Variants in PGM5 observed in about 807,000 individuals in gnomAD.
PGM5 encodes the protein phosphoglucomutase 5.
PGM5 carries 23 observed loss-of-function variants against 59.2 expected under a neutral mutation model. The ratio of observed to expected loss-of-function variants is 0.39; its 90% CI spans 0.28 to 0.55. The LOEUF (loss-of-function observed/expected upper bound fraction) is 0.55, where lower values mean the gene tolerates loss of function less well. Ranked by LOEUF, PGM5 falls within the 20% of genes least tolerant of loss-of-function variation. The pLI, the probability that PGM5 is intolerant of heterozygous loss-of-function variation, is 0.66. For missense variants in PGM5, 574 were observed against 748.3 expected (o/e 0.77, Z 2.72); for synonymous variants, 214 against 286.0 (o/e 0.75, Z 2.54).
At chr9:68,502,677 A>ATTTG (rs3064031) in intron 10 of PGM5, among the ~76,000 whole-genome samples, 2,392 of 151,722 alleles carry the variant, frequency 0.016, 38 homozygotes, top group African/African-American at 0.043. Context: ...GAATTTAAGT[A>ATTTG]TTTGTTTGTT....
intron 6 of PGM5, among the ~76,000 whole-genome samples, chr9:68,412,759 G>A (rs1299661454): frequency 3.3e-5 from 5 of 152,112 alleles, no homozygotes; most frequent in Admixed American, 3.3e-4. Flanking sequence ...TCTTTTATAG[G>A]GCCATGTGCT....
At chr9:68,393,085 T>C (rs1822407961) in intron 6 of PGM5, among the ~76,000 whole-genome samples, 1 of 151,992 alleles carries the variant, frequency 6.6e-6, no homozygotes, top group Non-Finnish European at 1.5e-5. Context: ...CTTCTTGCTC[T>C]ATCCATCCCT....
chr9:68,381,587 T>A (rs1445499159), intron 2 of PGM5, among the ~76,000 whole-genome samples: 2 of 151,710 alleles, frequency 1.3e-5, no homozygotes, highest in African/African-American at 4.8e-5. Context: ...AAATAATCTC[T>A]ATTTACAGAT....
intron 6 of PGM5, among the ~76,000 whole-genome samples, chr9:68,454,045 T>A (rs1461743166): frequency 1.3e-5 from 2 of 152,220 alleles, no homozygotes; most frequent in African/African-American, 4.8e-5. Context: ...TAGACTGACC[T>A]ATAGGGACTA....
intron 6 of PGM5, among the ~76,000 whole-genome samples, chr9:68,394,698 G>A (rs1822453896): frequency 1.3e-5 from 2 of 151,548 alleles, no homozygotes; most frequent in South Asian, 4.2e-4. Context: ...ATAGTTCACT[G>A]TAACCTTCAA....
At chr9:68,480,767 T>C (rs1426614013) in intron 8 of PGM5, among the ~76,000 whole-genome samples, 2 of 151,740 alleles carry the variant, frequency 1.3e-5, no homozygotes, top group African/African-American at 4.8e-5. Context: ...GAAACCATTA[T>C]TTTGGAAGGA....
intron 7 of PGM5, chr9:68,466,225 T>G: frequency 7.9e-7 from 1 of 1,261,300 alleles, no homozygotes; most frequent in Non-Finnish European, 1.0e-6. Flanking sequence ...GTGTCCAATC[T>G]GCTGATGAGC....
chr9:68,459,868 TA>T (rs530764282), intron 6 of PGM5, among the ~76,000 whole-genome samples: 1 of 152,068 alleles, frequency 6.6e-6, no homozygotes, highest in Non-Finnish European at 1.5e-5. Flanking sequence ...TATCTGCCTT[TA>T]AAAAAAACTA....
chr9:68,492,087 CTG>C lies in PGM5; in HGVS notation c.1480-7136_1480-7135del, dbSNP rs537396855. On this transcript the variant is annotated intron_variant, in intron 9 of 10. Coordinates refer to ENST00000396396, the MANE Select transcript of PGM5 (RefSeq NM_021965.4). ...ACTTTCTATTGGAATACTAATGTCT[CTG>C]TGTTGTCGGGTGGATGAGCTTCACC... is the stretch of plus-strand genomic sequence containing the variant. Among the ~76,000 whole-genome samples the C allele has an allele frequency of 7.8e-4, 118 of 152,254 alleles. 1 individual carries two copies. The highest frequency in any genetic ancestry group is 2.7e-3 in the African/African-American group (111 of 41,544).
intron 10 of PGM5, among the ~76,000 whole-genome samples, chr9:68,525,928 C>T (rs981809398): frequency 2.0e-5 from 3 of 152,008 alleles, no homozygotes; most frequent in Non-Finnish European, 4.4e-5. Context: ...TGGTGGCAGG[C>T]ACCTGTAGTC....
At chr9:68,435,586 A>G (rs1255693602) in intron 6 of PGM5, among the ~76,000 whole-genome samples, 1 of 152,152 alleles carries the variant, frequency 6.6e-6, no homozygotes, top group Non-Finnish European at 1.5e-5. Flanking sequence ...GTGTTGTAGC[A>G]TGTATCAGAA....
chr9:68,399,037 C>T (rs1283211427), intron 6 of PGM5: 1 of 152,120 alleles, frequency 6.6e-6, no homozygotes, highest in Non-Finnish European at 1.5e-5. Context: ...TATATTTTTA[C>T]TTAATGTGAC....
At chr9:68,486,957 A>T (rs1824306028) in intron 9 of PGM5, among the ~76,000 whole-genome samples, 1 of 152,216 alleles carries the variant, frequency 6.6e-6, no homozygotes, top group African/African-American at 2.4e-5. Context: ...TTTGTGATTT[A>T]AAAATACTGT....
chr9:68,441,753 C>A (rs373254354), intron 6 of PGM5, among the ~76,000 whole-genome samples: 1 of 151,404 alleles, frequency 6.6e-6, no homozygotes, highest in South Asian at 2.1e-4. Context: ...CCAGCCAATG[C>A]AATAAGGCAA....
intron 6 of PGM5, chr9:68,395,859 G>A (rs1822485978): frequency 6.6e-6 from 1 of 151,922 alleles, no homozygotes; most frequent in Non-Finnish European, 1.5e-5. Flanking sequence ...TTAAGTCCAC[G>A]ATGGTGAACT....
intron 10 of PGM5, among the ~76,000 whole-genome samples, chr9:68,514,871 G>A (rs1824802540): frequency 6.6e-6 from 1 of 152,158 alleles, no homozygotes; most frequent in South Asian, 2.1e-4. Flanking sequence ...TTGAAGACTT[G>A]TTCCTGCTTC....
chr9:68,397,791 G>A (rs1822549890), intron 6 of PGM5: 1 of 152,182 alleles, frequency 6.6e-6, no homozygotes. Flanking sequence ...GACTCTTGGA[G>A]GAGATTAGGC....
At chr9:68,449,619 G>A (rs1367255094) in intron 6 of PGM5, among the ~76,000 whole-genome samples, 1 of 152,102 alleles carries the variant, frequency 6.6e-6, no homozygotes, top group Non-Finnish European at 1.5e-5. Context: ...ATCATGTGTC[G>A]CAACTGCCCC....
At position 68,524,790 on chromosome 9, in the gene PGM5, C is replaced by T. The variant is rs79833556; in HGVS notation, c.1615-4777C>T. 7.7e-3 allele frequency among the ~76,000 whole-genome samples: 1,169 copies of T among 152,280 alleles called. 13 individuals are homozygous for T. Among genetic ancestry groups the T allele is most frequent in the African/African-American group, 0.027 (1,115 of 41,550 alleles). ...CTCTTTATCCTTGTCACTCTCAGAT[C>T]TTATATGCAGAACTGTATGATGGAA... is the stretch of plus-strand genomic sequence containing the variant. On this transcript the variant is annotated intron_variant, in intron 10 of 10. Coordinates refer to ENST00000396396, the MANE Select transcript of PGM5 (RefSeq NM_021965.4).
Sources: allele counts gnomAD v4.1 joint callset (sites outside exome capture counted in the v4.1 genomes callset), GRCh38; gene constraint gnomAD v4.1.1; transcripts MANE v1.5; gene names NCBI Gene and HGNC (gene_info 2026-07-23, HGNC 2026-07-21).